The following DMRT1 variants were observed in gnomAD, a reference collection of about 807,000 sequenced individuals.
DMRT1 encodes the protein doublesex and mab-3 related transcription factor 1, also known as doublesex- and mab-3-related transcription factor 1.
Under a neutral mutation model 32.3 loss-of-function variants are expected in DMRT1, and 7 were observed. The observed-to-expected ratio is 0.22, with a 90% CI of 0.12 to 0.41. The LOEUF is 0.41. Ranked by LOEUF, DMRT1 falls within the 10% of genes least tolerant of loss-of-function variation. The pLI, the probability that DMRT1 is intolerant of heterozygous loss-of-function variation, is 1.00. For missense variants in DMRT1, 625 were observed against 500.5 expected (o/e 1.25, Z -2.37); for synonymous variants, 278 against 206.1 (o/e 1.35, Z -2.99).
chr9:894,552 T>A (rs563708838), intron 3 of DMRT1: 1 of 344,364 alleles, frequency 2.9e-6, no homozygotes, highest in African/African-American at 2.1e-5. Context: ...TCACAAGTAC[T>A]GAATGAGGTA....
intron 3 of DMRT1, among the ~76,000 whole-genome samples, chr9:908,633 T>G (rs1817864465): frequency 6.6e-6 from 1 of 152,172 alleles, no homozygotes; most frequent in Admixed American, 6.5e-5. Context: ...ATTTTTATTT[T>G]TGGAGCTACT....
At chr9:856,421 C>T (rs1182997019) in intron 2 of DMRT1, among the ~76,000 whole-genome samples, 1 of 152,094 alleles carries the variant, frequency 6.6e-6, no homozygotes, top group Non-Finnish European at 1.5e-5. Context: ...CCTAGGCAGA[C>T]ACTAATAGAT....
chr9:939,779 C>A (rs896270193), intron 4 of DMRT1, among the ~76,000 whole-genome samples: 4 of 152,146 alleles, frequency 2.6e-5, no homozygotes, highest in African/African-American at 9.7e-5. Flanking sequence ...TAGTTTCTTT[C>A]ATATAGATAC....
At chr9:906,519 G>A (rs963379318) in intron 3 of DMRT1, among the ~76,000 whole-genome samples, 2 of 152,178 alleles carry the variant, frequency 1.3e-5, no homozygotes, top group Admixed American at 6.5e-5. Flanking sequence ...GATTGTGATG[G>A]TGACATATTG....
At chr9:884,498 C>T (rs1206297080) in intron 2 of DMRT1, among the ~76,000 whole-genome samples, 4 of 152,178 alleles carry the variant, frequency 2.6e-5, no homozygotes, top group Admixed American at 2.6e-4. Context: ...AGCAACATCT[C>T]TGCAGATGCA....
intron 2 of DMRT1, among the ~76,000 whole-genome samples, chr9:869,463 G>T (rs1388571647): frequency 6.6e-6 from 1 of 152,106 alleles, no homozygotes; most frequent in Non-Finnish European, 1.5e-5. Context: ...AGAACTTTTT[G>T]AATTTCCGTC....
At chr9:913,672 A>AC (rs1818067576) in intron 3 of DMRT1, among the ~76,000 whole-genome samples, 1 of 151,236 alleles carries the variant, frequency 6.6e-6, no homozygotes, top group African/African-American at 2.4e-5. Flanking sequence ...AGGCGGGCGG[A>AC]TCACTTGAGG....
chr9:842,396 G>T, intron 1 of DMRT1: 1 of 662,338 alleles, frequency 1.5e-6, no homozygotes. Context: ...CACCATGCCC[G>T]GCTAATTTTT....
At chr9:958,974 G>C (rs557897211) in intron 4 of DMRT1, among the ~76,000 whole-genome samples, 1 of 152,194 alleles carries the variant, frequency 6.6e-6, no homozygotes, top group Non-Finnish European at 1.5e-5. Context: ...TACCCTTTCA[G>C]ACTGGAGCAT....
At position 968,197 on chromosome 9, in the gene DMRT1, T is replaced by A; in HGVS notation, c.*58T>A. ...AGTAACAGGCTTATTCCACTTTCCA[T>A]GGGGTTTGTTAATATTTTGCATTGA... On this transcript the variant is annotated 3_prime_UTR_variant, in exon 5 of 5. Coordinates refer to ENST00000382276, the MANE Select transcript of DMRT1 (RefSeq NM_021951.3). 6.3e-7 allele frequency: 1 copy of A among 1,599,778 alleles called. No individual in the cohort carries two copies. The highest frequency in any genetic ancestry group is 8.5e-7 in the Non-Finnish European group (1 of 1,171,980).
chr9:906,687 C>G lies in DMRT1; in HGVS notation c.823-10076C>G, dbSNP rs373780261. On this transcript the variant is annotated intron_variant, in intron 3 of 4. Transcript: ENST00000382276. ...ATGTGCGGTTGTGGGCATCATTTCTCATTTTCAGACAATCAAAAAAAAAGT... is the reference window on the plus strand; with the variant it reads ...ATGTGCGGTTGTGGGCATCATTTCTGATTTTCAGACAATCAAAAAAAAAGT... Among the ~76,000 whole-genome samples the G allele has an allele frequency of 4.6e-5, 7 of 152,154 alleles. No homozygotes were observed. In the East Asian group the frequency reaches 1.2e-3, roughly 25 times the overall value.
At chr9:950,783 C>T (rs574779210) in intron 4 of DMRT1, among the ~76,000 whole-genome samples, 1 of 152,138 alleles carries the variant, frequency 6.6e-6, no homozygotes, top group African/African-American at 2.4e-5. Flanking sequence ...TCCTGCAGTT[C>T]AAGTGAAAAG....
At chr9:901,665 T>G (rs2129675998) in intron 3 of DMRT1, among the ~76,000 whole-genome samples, 1 of 151,404 alleles carries the variant, frequency 6.6e-6, no homozygotes, top group Non-Finnish European at 1.5e-5. Context: ...AGACTTCACA[T>G]GAGTTTTTTT....
chr9:863,383 A>G (rs1015326642), intron 2 of DMRT1, among the ~76,000 whole-genome samples: 1 of 151,096 alleles, frequency 6.6e-6, no homozygotes, highest in Non-Finnish European at 1.5e-5. Context: ...GCAACTAGAG[A>G]TGCCATGACA....
chr9:924,141 G>A (rs1350118803), intron 4 of DMRT1, among the ~76,000 whole-genome samples: 1 of 148,448 alleles, frequency 6.7e-6, no homozygotes, highest in South Asian at 2.1e-4. Context: ...GCATGATCTC[G>A]GCTGACTGCA....
chr9:847,936 A>G (rs1310101897), intron 2 of DMRT1, among the ~76,000 whole-genome samples: 1 of 152,244 alleles, frequency 6.6e-6, no homozygotes, highest in African/African-American at 2.4e-5. Context: ...AAGGGCTATC[A>G]TACTGGATAA....
intron 2 of DMRT1, among the ~76,000 whole-genome samples, chr9:854,154 T>C (rs1373950679): frequency 2.6e-5 from 4 of 151,816 alleles, no homozygotes; most frequent in Admixed American, 2.6e-4. Context: ...GTTCGTTCTG[T>C]TGCCCAGGTT....
intron 2 of DMRT1, among the ~76,000 whole-genome samples, chr9:865,233 T>C (rs965770342): frequency 6.6e-6 from 1 of 152,236 alleles, no homozygotes; most frequent in African/African-American, 2.4e-5. Flanking sequence ...TTGATAACTT[T>C]ATACCTGGAA....
intron 2 of DMRT1, among the ~76,000 whole-genome samples, chr9:873,682 G>A (rs190720842): frequency 2.0e-5 from 3 of 152,234 alleles, no homozygotes; most frequent in African/African-American, 7.2e-5. Context: ...ATAAAGGAAG[G>A]GAAACCCTTT....
Sources: gnomAD v4.1 joint callset for allele counts (sites outside exome capture counted in the v4.1 genomes callset) on GRCh38, gnomAD v4.1.1 for gene constraint, MANE v1.5 for transcripts, NCBI Gene and HGNC (gene_info 2026-07-23, HGNC 2026-07-21) for gene names.